LRP1B: variants seen among roughly 807,000 people sequenced by gnomAD.
LRP1B encodes the protein LDL receptor related protein 1B.
Under a neutral mutation model 556.6 loss-of-function variants are expected in LRP1B, and 217 were observed. The observed-to-expected ratio is 0.39, with a 90% confidence interval of 0.35 to 0.44. The LOEUF (loss-of-function observed/expected upper bound fraction) is 0.44, where lower values mean the gene tolerates loss of function less well. LRP1B is among the 20% of genes least tolerant of loss of function. The pLI is 1.00. For missense variants in LRP1B, 5,053 were observed against 5,620.8 expected (o/e 0.90, Z 3.23); for synonymous variants, 2,047 against 1,865.8 (o/e 1.10, Z -2.50).
intron 59 of LRP1B, among the ~76,000 whole-genome samples, chr2:140,476,130 G>A (rs765935180): frequency 1.6e-4 from 25 of 151,892 alleles, no homozygotes; most frequent in Non-Finnish European, 3.5e-4. Flanking sequence ...ACGTATAAGC[G>A]GCAGATTACT....
intron 31 of LRP1B, among the ~76,000 whole-genome samples, chr2:140,819,085 T>A (rs1378719049): frequency 6.6e-6 from 1 of 152,180 alleles, no homozygotes; most frequent in Non-Finnish European, 1.5e-5. Context: ...TCTGGCAGCC[T>A]TGCCCTTGCT....
chr2:140,373,404 T>C (rs1171296713), intron 68 of LRP1B, among the ~76,000 whole-genome samples: 1 of 152,086 alleles, frequency 6.6e-6, no homozygotes, highest in Non-Finnish European at 1.5e-5. Flanking sequence ...CAGATGCTAA[T>C]ATTTTAAGCC....
At chr2:141,128,326 T>C (rs1468475913) in intron 7 of LRP1B, among the ~76,000 whole-genome samples, 1 of 152,240 alleles carries the variant, frequency 6.6e-6, no homozygotes, top group Non-Finnish European at 1.5e-5. Flanking sequence ...GGATCTTCAC[T>C]ACAGATAGTT....
chr2:141,486,086 G>A (rs72849648), intron 2 of LRP1B, among the ~76,000 whole-genome samples: 55,269 of 151,978 alleles, frequency 0.36, 10,515 homozygotes, highest in Non-Finnish European at 0.42. Context: ...TTTCAGCAAT[G>A]TGCACATTCA....
chr2:141,413,871 G>T (rs985621320), intron 3 of LRP1B, among the ~76,000 whole-genome samples: 1 of 148,576 alleles, frequency 6.7e-6, no homozygotes, highest in East Asian at 2.0e-4. Flanking sequence ...ACAGTGAGGA[G>T]AGAGAGAGAG....
At chr2:142,024,341 T>C (rs1242337162) in intron 1 of LRP1B, among the ~76,000 whole-genome samples, 2 of 152,346 alleles carry the variant, frequency 1.3e-5, no homozygotes, top group East Asian at 3.9e-4. Flanking sequence ...TGTTCCTAAC[T>C]TTGACCTGCA....
intron 66 of LRP1B, among the ~76,000 whole-genome samples, chr2:140,427,733 G>A (rs935792356): frequency 3.4e-5 from 5 of 146,084 alleles, no homozygotes; most frequent in Non-Finnish European, 4.5e-5. Context: ...GTCCCCCTCC[G>A]TCCCAACCCC....
At chr2:141,463,557 AATATATATTATATATTATATATAATT>A (rs1370757702) in intron 3 of LRP1B, among the ~76,000 whole-genome samples, 6 of 22,828 alleles carry the variant, frequency 2.6e-4, no homozygotes, top group South Asian at 1.2e-3. Flanking sequence ...AATTATATAT[AATATATATTATATATTATATATAATT>A]ATATATAATA....
chr2:140,723,340 A>G (rs936465265), intron 35 of LRP1B, among the ~76,000 whole-genome samples: 1 of 152,184 alleles, frequency 6.6e-6, no homozygotes, highest in Non-Finnish European at 1.5e-5. Context: ...AAAACTTGTA[A>G]ACATCCCTAG....
chr2:140,665,799 C>T (rs898330470), intron 41 of LRP1B, among the ~76,000 whole-genome samples: 10 of 152,040 alleles, frequency 6.6e-5, no homozygotes, highest in Admixed American at 2.0e-4. Context: ...AGTTGTTGTT[C>T]TTATGTAACT....
intron 2 of LRP1B, among the ~76,000 whole-genome samples, chr2:141,607,490 C>G (rs1053079244): frequency 1.1e-4 from 16 of 152,160 alleles, no homozygotes; most frequent in African/African-American, 3.6e-4. Context: ...TGATCAGTCT[C>G]CACCCTACCC....
intron 1 of LRP1B, among the ~76,000 whole-genome samples, chr2:141,958,771 G>A (rs1010610151): frequency 1.3e-5 from 2 of 151,970 alleles, no homozygotes; most frequent in African/African-American, 4.8e-5. Context: ...ATATCTGAAT[G>A]TCAGAATGAA....
At chr2:142,074,333 C>T (rs1327857232) in intron 1 of LRP1B, among the ~76,000 whole-genome samples, 1 of 152,014 alleles carries the variant, frequency 6.6e-6, no homozygotes, top group African/African-American at 2.4e-5. Flanking sequence ...TCTGCCAATC[C>T]TCTGCCTCTT....
intron 49 of LRP1B, among the ~76,000 whole-genome samples, chr2:140,523,374 G>A (rs1690266813): frequency 6.6e-6 from 1 of 151,564 alleles, no homozygotes; most frequent in Admixed American, 6.6e-5. Flanking sequence ...CGACAAACTA[G>A]TCATGGAAAG....
intron 2 of LRP1B, among the ~76,000 whole-genome samples, chr2:141,635,435 G>A (rs990946693): frequency 1.3e-5 from 2 of 152,064 alleles, no homozygotes; most frequent in African/African-American, 2.4e-5. Context: ...AAAGTCTGCT[G>A]TATTTTGCTT....
rs1387948106 is a variant in LRP1B, at chr2:140,233,044, A to C, written c.*142T>G. 2 of 541,354 alleles carry C rather than the reference A, an allele frequency of 3.7e-6. No individual in the cohort carries two copies. Among genetic ancestry groups the C allele is most frequent in the African/African-American group, 2.0e-5 (1 of 50,700 alleles). 33.5% of individuals were successfully genotyped at this position (541,354 alleles called of 1,614,324 possible). A position where few individuals can be genotyped will look rare whatever the true frequency, so the allele number is the denominator to read the frequency against. On this transcript the variant is annotated 3_prime_UTR_variant, in exon 91 of 91. Transcript: ENST00000389484. ...TAGTCATCAGCAAAAAATAAAACCC[A>C]AAAAACTCAGAAAACAATTAACCAG...
intron 1 of LRP1B, among the ~76,000 whole-genome samples, chr2:141,839,942 C>T (rs1269102324): frequency 1.3e-5 from 2 of 152,054 alleles, no homozygotes; most frequent in South Asian, 2.1e-4. Context: ...TGTGTCTTCC[C>T]AGCATTTGTT....
At chr2:141,550,968 A>G (rs1362904213) in intron 2 of LRP1B, among the ~76,000 whole-genome samples, 1 of 152,118 alleles carries the variant, frequency 6.6e-6, no homozygotes, top group East Asian at 1.9e-4. Flanking sequence ...AGTAGATACA[A>G]TAAAAATTTA....
At chr2:141,911,993 C>A (rs1699918309) in intron 1 of LRP1B, among the ~76,000 whole-genome samples, 1 of 152,164 alleles carries the variant, frequency 6.6e-6, no homozygotes, top group Non-Finnish European at 1.5e-5. Flanking sequence ...ATGACTGTTA[C>A]CTGTACCCTG....
Sources: gnomAD v4.1 joint callset for allele counts (sites outside exome capture counted in the v4.1 genomes callset) on GRCh38, gnomAD v4.1.1 for gene constraint, MANE v1.5 for transcripts, NCBI Gene and HGNC (gene_info 2026-07-23, HGNC 2026-07-21) for gene names.